Variants in AFG1L observed in about 807,000 individuals in gnomAD.
AFG1L encodes AFG1 like ATPase, also known as AFG1-like ATPase.
In AFG1L, 53 loss-of-function variants were observed where a neutral mutation model predicts 62.2. The ratio of observed to expected loss-of-function variants is 0.85; its 90% CI spans 0.68 to 1.07. The LOEUF (loss-of-function observed/expected upper bound fraction) is 1.07, where lower values mean the gene tolerates loss of function less well. Among genes scored for constraint, AFG1L ranks in the 50% least tolerant of loss-of-function variants. The probability of loss-of-function intolerance (pLI) is 0.00; values close to 1 mark genes in which losing one functional copy is unlikely to be tolerated. For missense variants in AFG1L, 555 were observed against 590.5 expected, an observed-to-expected ratio of 0.94 and a Z score of 0.62; for synonymous variants, 228 against 210.3, an observed-to-expected ratio of 1.08 and a Z score of -0.73.
In AFG1L at chr6:108,321,861, G is replaced by A. The variant is rs1582587484; in HGVS notation, c.140-1964G>A. 2.6e-5 allele frequency among the ~76,000 whole-genome samples: 4 copies of A among 152,210 alleles called. No homozygotes were observed. The South Asian group carries it at 8.3e-4, about 32-fold the overall frequency. On this transcript the variant is annotated intron_variant, in intron 1 of 12. Transcript: ENST00000368977. ...ACCCCAATTATACACTACTTTAAAA[G>A]CAAGATAGAAGTTTATTACTCCCTT...
At chr6:108,335,113 C>T (rs1435507992) in intron 2 of AFG1L, among the ~76,000 whole-genome samples, 1 of 152,002 alleles carries the variant, frequency 6.6e-6, no homozygotes, top group Non-Finnish European at 1.5e-5. Flanking sequence ...CATGCCTCAG[C>T]CTCCGAAGCA....
rs140607739 is a variant in AFG1L at position 108,319,098 on chromosome 6, C to T, written c.140-4727C>T. On this transcript the variant is annotated intron_variant, in intron 1 of 12. Coordinates refer to ENST00000368977, the MANE Select transcript of AFG1L (RefSeq NM_145315.5). ...CCAAAAACTGGGAATGAAGTCTACA[C>T]TATTAAATCAAGATGTTAGGCTAGT... Among the ~76,000 whole-genome samples, 33 of 152,236 alleles carry T rather than the reference C, an allele frequency of 2.2e-4. No homozygotes were observed. The South Asian group carries it at 2.7e-3, about 12-fold the overall frequency.
chr6:108,368,516 A>G (rs1216460210), intron 6 of AFG1L, among the ~76,000 whole-genome samples: 5 of 152,184 alleles, frequency 3.3e-5, no homozygotes, highest in Non-Finnish European at 5.9e-5. Flanking sequence ...TAAAATCCAT[A>G]TAATGTTATA....
chr6:108,331,007 G>C (rs961298588), intron 2 of AFG1L, among the ~76,000 whole-genome samples: 2 of 152,118 alleles, frequency 1.3e-5, no homozygotes, highest in African/African-American at 4.8e-5. Flanking sequence ...TTCATTATAG[G>C]CTGGGTGTGG....
In AFG1L at chr6:108,402,049, T is replaced by C; in HGVS notation, c.802T>C (p.Leu268=). The change falls in exon 7 of 13, where the codon TTG becomes CTG. Residue 268 remains leucine, a synonymous_variant. Coordinates refer to ENST00000368977, the MANE Select transcript of AFG1L (RefSeq NM_145315.5). ...RANFVPFIAV[L]KEYCNTVQLD... is the part of the protein sequence containing the mutation. Reference sequence around the variant, plus strand: ...TAACTTTGTACCATTCATAGCAGTCTTGAAGGTAAAAACAAATCATTTATT... The same window carrying C: ...TAACTTTGTACCATTCATAGCAGTCCTGAAGGTAAAAACAAATCATTTATT... The C allele has an allele frequency of 6.7e-7, 1 of 1,493,604 alleles. No homozygotes were observed. 92.5% of individuals were successfully genotyped at this position (1,493,604 alleles called of 1,614,324 possible).
intron 8 of AFG1L, among the ~76,000 whole-genome samples, chr6:108,456,747 G>A (rs977556707): frequency 7.2e-5 from 11 of 152,056 alleles, no homozygotes; most frequent in African/African-American, 2.2e-4. Context: ...ATCATGCACC[G>A]CATAGTAATA....
chr6:108,376,441 C>T (rs946444244), intron 6 of AFG1L, among the ~76,000 whole-genome samples: 2 of 151,654 alleles, frequency 1.3e-5, no homozygotes, highest in Admixed American at 1.3e-4. Context: ...TTTGCTATAT[C>T]GCAGAGATTT....
chr6:108,354,382 G>A (rs1779189126), intron 3 of AFG1L, among the ~76,000 whole-genome samples: 1 of 151,868 alleles, frequency 6.6e-6, no homozygotes, highest in African/African-American at 2.4e-5. Context: ...CGATCTCACT[G>A]CAACCTCCGC....
intron 1 of AFG1L, among the ~76,000 whole-genome samples, chr6:108,312,477 T>C (rs1015652206): frequency 6.6e-6 from 1 of 151,946 alleles, no homozygotes; most frequent in Non-Finnish European, 1.5e-5. Flanking sequence ...AACCCAGGAG[T>C]TGAGCCCAGG....
At chr6:108,432,040 G>A (rs1161785847) in intron 7 of AFG1L, among the ~76,000 whole-genome samples, 1 of 149,922 alleles carries the variant, frequency 6.7e-6, no homozygotes, top group Non-Finnish European at 1.5e-5. Flanking sequence ...ATCAGGTGCC[G>A]GCGCTTTGCC....
At chr6:108,342,912 CTT>C (rs1486516882) in intron 2 of AFG1L, among the ~76,000 whole-genome samples, 1 of 151,870 alleles carries the variant, frequency 6.6e-6, no homozygotes, top group East Asian at 1.9e-4. Context: ...AGCAGTATCT[CTT>C]TGTCATCTTC....
At chr6:108,362,381 A>G (rs192421897) in intron 5 of AFG1L, among the ~76,000 whole-genome samples, 319 of 152,090 alleles carry the variant, frequency 2.1e-3, no homozygotes, top group African/African-American at 7.4e-3. Context: ...CATCTATTAT[A>G]TATGTTCTAT....
At chr6:108,446,060 AC>A (rs1210126375) in intron 7 of AFG1L, among the ~76,000 whole-genome samples, 24 of 4,748 alleles carry the variant, frequency 5.1e-3, no homozygotes, top group African/African-American at 0.014. Context: ...ATACACACAC[AC>A]ACACACACAC....
intron 6 of AFG1L, among the ~76,000 whole-genome samples, chr6:108,378,999 T>A (rs1780378270): frequency 7.0e-6 from 1 of 142,774 alleles, no homozygotes; most frequent in South Asian, 2.3e-4. Flanking sequence ...TTCTCCTTCT[T>A]CTTTTTTTTT....
rs1241905587 is a variant in AFG1L, at chr6:108,401,979, T to G, written c.749-17T>G. On this transcript the variant is annotated splice_polypyrimidine_tract_variant and intron_variant, in intron 6 of 12. Transcript: ENST00000368977. Reference sequence around the variant, plus strand: ...ATTTAGGCTAAGCAAAAAACTAATATCATTTTTTTCTTTCAGATCTCTATA... The same window carrying G: ...ATTTAGGCTAAGCAAAAAACTAATAGCATTTTTTTCTTTCAGATCTCTATA... 3.1e-6 allele frequency: 4 copies of G among 1,270,084 alleles called. No homozygotes were observed. Among genetic ancestry groups the G allele is most frequent in the Admixed American group, 2.2e-5 (1 of 45,520 alleles). 78.7% of individuals were successfully genotyped at this position (1,270,084 alleles called of 1,614,324 possible).
chr6:108,503,378 T>G (rs1774277416), intron 10 of AFG1L, among the ~76,000 whole-genome samples: 3 of 152,226 alleles, frequency 2.0e-5, no homozygotes, highest in Non-Finnish European at 4.4e-5. Context: ...ATGGATGTTG[T>G]GTTAACAGTC....
chr6:108,365,931 T>C (rs569156936), intron 5 of AFG1L, among the ~76,000 whole-genome samples: 2 of 152,090 alleles, frequency 1.3e-5, no homozygotes, highest in East Asian at 3.9e-4. Flanking sequence ...TCTAATTAAT[T>C]AGACTTCCTA....
At chr6:108,390,977 G>T (rs1161610549) in intron 6 of AFG1L, among the ~76,000 whole-genome samples, 1 of 152,160 alleles carries the variant, frequency 6.6e-6, no homozygotes, top group Non-Finnish European at 1.5e-5. Context: ...CGGCCATCTT[G>T]GAACCCCCAT....
At chr6:108,366,117 T>C in intron 5 of AFG1L, 116 bp from the exon 6 acceptor site, 1 of 596,144 alleles carries the variant, frequency 1.7e-6, no homozygotes, top group Admixed American at 2.7e-5. Flanking sequence ...TTCATGATGA[T>C]AATTAGAATT....
Sources: allele counts gnomAD v4.1 joint callset (sites outside exome capture counted in the v4.1 genomes callset), GRCh38; gene constraint gnomAD v4.1.1; transcripts MANE v1.5; gene names NCBI Gene and HGNC (gene_info 2026-07-23, HGNC 2026-07-21).